The following LHFPL6 variants were observed in gnomAD, a reference collection of about 807,000 sequenced individuals.
LHFPL6 encodes the protein LHFPL tetraspan subfamily member 6.
LHFPL6 carries 9 observed loss-of-function variants against 20.6 expected under a neutral mutation model. The ratio of observed to expected loss-of-function variants is 0.44; its 90% CI spans 0.26 to 0.76. LHFPL6 has a LOEUF of 0.76. LHFPL6 is among the 30% of genes least tolerant of loss of function. LHFPL6 has a pLI of 0.20. For synonymous variants in LHFPL6, 105 were observed against 98.7 expected (o/e 1.06, Z -0.38); for missense variants, 218 against 253.5 (o/e 0.86, Z 0.95).
chr13:39,433,349 T>G (rs1871866944), intron 2 of LHFPL6, among the ~76,000 whole-genome samples: 1 of 152,216 alleles, frequency 6.6e-6, no homozygotes, highest in African/African-American at 2.4e-5. Context: ...TGACTGGCAT[T>G]TTTTGGGGAT....
chr13:39,588,355 C>G (rs1169728451), intron 2 of LHFPL6, among the ~76,000 whole-genome samples: 1 of 152,182 alleles, frequency 6.6e-6, no homozygotes, highest in Non-Finnish European at 1.5e-5. Context: ...ACCACCAATC[C>G]CCTGGATTTA....
Position 39,550,239 on chromosome 13 carries a change from C to A in LHFPL6, c.385+50593G>T, listed in dbSNP as rs537364043. ...AAAACTATAGGCACAGAAAACAGGT[C>A]ACTGATTGTCAGAGCAGGTGGAAGG... is the stretch of plus-strand genomic sequence containing the variant. On this transcript the variant is annotated intron_variant, in intron 2 of 3. Transcript: ENST00000379589. Among the ~76,000 whole-genome samples the A allele has an allele frequency of 8.7e-4, 133 of 152,124 alleles. 1 individual carries two copies. The highest frequency in any genetic ancestry group is 1.5e-3 in the Non-Finnish European group (102 of 68,010).
intron 2 of LHFPL6, among the ~76,000 whole-genome samples, chr13:39,382,596 G>A (rs904409476): frequency 1.4e-4 from 21 of 151,982 alleles, no homozygotes; most frequent in Admixed American, 3.3e-4. Flanking sequence ...CACCATGTTG[G>A]TCAGGTTGGT....
intron 2 of LHFPL6, among the ~76,000 whole-genome samples, chr13:39,420,441 G>A (rs1337783202): frequency 6.6e-6 from 1 of 152,176 alleles, no homozygotes; most frequent in Non-Finnish European, 1.5e-5. Context: ...GCAAACAGGA[G>A]AGTGCTTACC....
intron 2 of LHFPL6, among the ~76,000 whole-genome samples, chr13:39,382,776 A>G (rs911634564): frequency 3.9e-5 from 6 of 152,202 alleles, no homozygotes; most frequent in East Asian, 1.9e-4. Flanking sequence ...TTTTAAAAAC[A>G]TACCATGAAC....
chr13:39,553,006 GA>G (rs1353727063), intron 2 of LHFPL6, among the ~76,000 whole-genome samples: 2 of 151,932 alleles, frequency 1.3e-5, no homozygotes, highest in African/African-American at 4.8e-5. Context: ...GAATAAAAGA[GA>G]AAAAAACTTT....
intron 2 of LHFPL6, among the ~76,000 whole-genome samples, chr13:39,494,012 A>C (rs906546130): frequency 2.2e-4 from 33 of 152,386 alleles, no homozygotes; most frequent in African/African-American, 7.0e-4. Flanking sequence ...ACCATAGTCA[A>C]AGAATGTTAA....
intron 2 of LHFPL6, among the ~76,000 whole-genome samples, chr13:39,438,638 G>T (rs1184363809): frequency 3.9e-5 from 6 of 152,216 alleles, no homozygotes; most frequent in African/African-American, 1.4e-4. Context: ...GGTTTGTTGG[G>T]CTAGGCCCAG....
chr13:39,574,643 C>T (rs1872053047), intron 2 of LHFPL6, among the ~76,000 whole-genome samples: 1 of 152,120 alleles, frequency 6.6e-6, no homozygotes, highest in African/African-American at 2.4e-5. Context: ...AGCAAGGTCT[C>T]GCATCCATAG....
chr13:39,481,597 A>C (rs1158805625), intron 2 of LHFPL6, among the ~76,000 whole-genome samples: 1 of 152,166 alleles, frequency 6.6e-6, no homozygotes, highest in African/African-American at 2.4e-5. Context: ...TGAAGATGTA[A>C]GGACATAAAG....
chr13:39,573,170 T>A (rs892882975), intron 2 of LHFPL6, among the ~76,000 whole-genome samples: 3 of 152,102 alleles, frequency 2.0e-5, no homozygotes, highest in African/African-American at 7.2e-5. Flanking sequence ...CAAAACACAT[T>A]TGATAGAGAT....
chr13:39,589,595 TA>T (rs1310596919), intron 2 of LHFPL6, among the ~76,000 whole-genome samples: 1 of 152,194 alleles, frequency 6.6e-6, no homozygotes, highest in African/African-American at 2.4e-5. Flanking sequence ...TTCTACATTT[TA>T]TTGATCCAGA....
intron 2 of LHFPL6, among the ~76,000 whole-genome samples, chr13:39,391,674 A>G (rs1039995667): frequency 2.0e-5 from 3 of 152,078 alleles, no homozygotes; most frequent in Non-Finnish European, 4.4e-5. Context: ...CAACTTTTTC[A>G]TCACTAAAAA....
intron 2 of LHFPL6, among the ~76,000 whole-genome samples, chr13:39,548,077 A>C (rs1039749351): frequency 2.0e-5 from 3 of 151,154 alleles, no homozygotes; most frequent in African/African-American, 7.4e-5. Flanking sequence ...GCAAGATAAG[A>C]AAGACTAGGA....
chr13:39,428,390 T>C (rs1237979298), intron 2 of LHFPL6, among the ~76,000 whole-genome samples: 1 of 152,208 alleles, frequency 6.6e-6, no homozygotes, highest in Non-Finnish European at 1.5e-5. Context: ...ATTTTTAAAA[T>C]AGATATAGAA....
chr13:39,422,807 A>T (rs1182421732), intron 2 of LHFPL6, among the ~76,000 whole-genome samples: 2 of 152,126 alleles, frequency 1.3e-5, no homozygotes, highest in East Asian at 3.9e-4. Flanking sequence ...CTAAGACTGG[A>T]TAATATATAA....
chr13:39,560,422 T>G (rs544281594), intron 2 of LHFPL6, among the ~76,000 whole-genome samples: 12 of 151,894 alleles, frequency 7.9e-5, no homozygotes, highest in African/African-American at 2.7e-4. Context: ...AACCTGCCTC[T>G]CAACTACAGT....
At chr13:39,352,565 C>G (rs1869596494) in intron 3 of LHFPL6, among the ~76,000 whole-genome samples, 2 of 152,148 alleles carry the variant, frequency 1.3e-5, no homozygotes, top group Admixed American at 1.3e-4. Context: ...ATCCCCATTT[C>G]TCTTTCCCCA....
At chr13:39,475,818 G>A (rs1041355355) in intron 2 of LHFPL6, among the ~76,000 whole-genome samples, 4 of 152,090 alleles carry the variant, frequency 2.6e-5, no homozygotes, top group African/African-American at 9.7e-5. Context: ...AAAGTCTAAG[G>A]ATCACTACTC....
Sources: allele counts gnomAD v4.1 joint callset (sites outside exome capture counted in the v4.1 genomes callset), GRCh38; gene constraint gnomAD v4.1.1; transcripts MANE v1.5; gene names NCBI Gene and HGNC (gene_info 2026-07-23, HGNC 2026-07-21).